Variants in TNKS observed in about 807,000 individuals in gnomAD.
TNKS encodes tankyrase, also known as poly [ADP-ribose] polymerase tankyrase-1.
TNKS carries 72 observed loss-of-function variants against 135.8 expected under a neutral mutation model. The observed-to-expected ratio is 0.53, with a 90% CI of 0.44 to 0.64. The LOEUF (loss-of-function observed/expected upper bound fraction) is 0.64. Among genes scored for constraint, TNKS ranks in the 30% least tolerant of loss-of-function variants. TNKS has a pLI of 0.00. For synonymous variants in TNKS, 849 were observed against 649.3 expected, an observed-to-expected ratio of 1.31 and a Z score of -4.68; for missense variants, 1,769 against 1,674.0, an observed-to-expected ratio of 1.06 and a Z score of -0.99.
rs577528741 is a variant in TNKS at position 9,728,325 on chromosome 8, A to T, written c.2001+1605A>T. On this transcript the variant is annotated intron_variant, in intron 13 of 26. Coordinates refer to ENST00000310430, the MANE Select transcript of TNKS (RefSeq NM_003747.3). ...GAAAAGGCTGCCTGCTGAATAAAGC[A>T]TTTGAAATTGTGAAAAGTAAGTAGG... is the stretch of plus-strand genomic sequence containing the variant. Among the ~76,000 whole-genome samples, 3 of 152,234 alleles carry T rather than the reference A, an allele frequency of 2.0e-5. No individual in the cohort carries two copies. In the South Asian group the frequency reaches 6.2e-4, roughly 31 times the overall value.
At chr8:9,700,277 A>G (rs1338281439) in intron 5 of TNKS, among the ~76,000 whole-genome samples, 1 of 152,196 alleles carries the variant, frequency 6.6e-6, no homozygotes, top group Non-Finnish European at 1.5e-5. Flanking sequence ...GAATTCATTT[A>G]TATGCATTTC....
chr8:9,698,991 T>A (rs1310813553), intron 5 of TNKS, among the ~76,000 whole-genome samples: 2 of 152,224 alleles, frequency 1.3e-5, no homozygotes, highest in African/African-American at 4.8e-5. Flanking sequence ...TGTATTTGTG[T>A]CTGTTCCATA....
At position 9,759,836 on chromosome 8, in the gene TNKS, G is replaced by T. The variant is rs568084357; in HGVS notation, c.3154-1680G>T. 4.2e-3 allele frequency among the ~76,000 whole-genome samples: 639 copies of T among 152,148 alleles called. 7 individuals are homozygous for T. The highest frequency in any genetic ancestry group is 0.015 in the African/African-American group (625 of 41,544). ...AAAAATACAAAAAAATTAGCCGGGC[G>T]TGGTGGCGGGCGCCTGTAGTCCCAG... is the stretch of plus-strand genomic sequence containing the variant. On this transcript the variant is annotated intron_variant, in intron 20 of 26. Transcript: ENST00000310430.
intron 26 of TNKS, among the ~76,000 whole-genome samples, chr8:9,773,461 A>G (rs1808055008): frequency 6.6e-6 from 1 of 152,170 alleles, no homozygotes. Flanking sequence ...CACCCACAAC[A>G]TAAGATGGTT....
At chr8:9,717,072 A>ATTTATATATATATATATATAT (rs376229840) in intron 11 of TNKS, among the ~76,000 whole-genome samples, 1 of 79,460 alleles carries the variant, frequency 1.3e-5, no homozygotes, top group Non-Finnish European at 2.5e-5. Context: ...GTTGTATTAT[A>ATTTATATATATATATATATAT]ATATATATAT....
At chr8:9,692,607 C>T (rs776598690) in intron 5 of TNKS, among the ~76,000 whole-genome samples, 2 of 152,084 alleles carry the variant, frequency 1.3e-5, no homozygotes, top group East Asian at 1.9e-4. Flanking sequence ...GAGAAAGACT[C>T]GTAATGGGAG....
At chr8:9,578,549 C>G (rs1274400945) in intron 1 of TNKS, among the ~76,000 whole-genome samples, 2 of 152,140 alleles carry the variant, frequency 1.3e-5, no homozygotes, top group African/African-American at 4.8e-5. Context: ...GAAATGTATG[C>G]TTTACTTTGG....
intron 17 of TNKS, among the ~76,000 whole-genome samples, chr8:9,742,414 A>G (rs985927824): frequency 6.6e-6 from 1 of 151,150 alleles, no homozygotes; most frequent in African/African-American, 2.4e-5. Context: ...CTCGCATGAC[A>G]TACAGTGACT....
intron 2 of TNKS, among the ~76,000 whole-genome samples, chr8:9,599,866 T>C (rs1160263195): frequency 6.6e-6 from 1 of 152,202 alleles, no homozygotes; most frequent in South Asian, 2.1e-4. Flanking sequence ...TGGAAGATTC[T>C]TTTATTATTG....
At chr8:9,572,725 C>T (rs1309226050) in intron 1 of TNKS, among the ~76,000 whole-genome samples, 2 of 152,160 alleles carry the variant, frequency 1.3e-5, no homozygotes, top group Admixed American at 1.3e-4. Context: ...CTGCCTCCTG[C>T]ACATCAGCCA....
intron 3 of TNKS, among the ~76,000 whole-genome samples, chr8:9,647,274 G>A (rs1800953872): frequency 1.3e-5 from 2 of 152,286 alleles, no homozygotes; most frequent in Admixed American, 6.5e-5. Context: ...TTTGGTATCT[G>A]TTTGGTCAAA....
chr8:9,762,617 A>G (rs201769786), intron 21 of TNKS, among the ~76,000 whole-genome samples: 1 of 152,290 alleles, frequency 6.6e-6, no homozygotes, highest in East Asian at 1.9e-4. Context: ...AACAGATAAA[A>G]TTGGGCTGGG....
chr8:9,696,120 T>C (rs890852789), intron 5 of TNKS, among the ~76,000 whole-genome samples: 26 of 151,210 alleles, frequency 1.7e-4, no homozygotes, highest in African/African-American at 6.1e-4. Flanking sequence ...AACTGGGGAG[T>C]TGTCAGTTCA....
At chr8:9,593,877 T>TTTA (rs199768208) in intron 2 of TNKS, among the ~76,000 whole-genome samples, 104 of 130,668 alleles carry the variant, frequency 8.0e-4, no homozygotes, top group Admixed American at 2.0e-3. Context: ...TATTTATTTA[T>TTTA]TTATTATTAT....
intron 1 of TNKS, among the ~76,000 whole-genome samples, chr8:9,567,893 A>T (rs1041876600): frequency 1.3e-5 from 2 of 152,192 alleles, no homozygotes; most frequent in African/African-American, 4.8e-5. Context: ...ACATTTAAAA[A>T]TGGTTATGAT....
chr8:9,734,818 A>G, intron 15 of TNKS, 47 bp from the exon 16 acceptor site: 1 of 1,517,954 alleles, frequency 6.6e-7, no homozygotes, highest in Non-Finnish European at 9.0e-7. Context: ...CTACCTACCT[A>G]CTTACTACAG....
chr8:9,711,226 T>G (rs1333109575), intron 11 of TNKS, among the ~76,000 whole-genome samples: 1 of 152,156 alleles, frequency 6.6e-6, no homozygotes, highest in African/African-American at 2.4e-5. Context: ...GAAATTCAGA[T>G]TTACCAATAT....
In TNKS at chr8:9,735,471, T is replaced by C. The variant is rs1196461698; in HGVS notation, c.2628T>C (p.Asn876=). ...AGGGTGGTTTAATTCCTCTTCATAA[T>C]GCGGCATCTTATGGGGTAAGCATAC... ...QDKGGLIPLH[N]AASYGHVDIA... The change falls in exon 17 of 27, where the codon AAT becomes AAC. Residue 876 remains asparagine (N), a synonymous_variant. Transcript: ENST00000310430. 6.2e-7 allele frequency: 1 copy of C among 1,613,790 alleles called. No homozygotes were observed. The highest frequency in any genetic ancestry group is 8.5e-7 in the Non-Finnish European group (1 of 1,179,736).
At chr8:9,741,768 C>T in intron 17 of TNKS, 1 of 505,330 alleles carries the variant, frequency 2.0e-6, no homozygotes, top group Non-Finnish European at 4.2e-6. Context: ...GAGTACTGGT[C>T]GACCTTGTCT....
Sources: allele counts gnomAD v4.1 joint callset (sites outside exome capture counted in the v4.1 genomes callset), GRCh38; gene constraint gnomAD v4.1.1; transcripts MANE v1.5; gene names NCBI Gene and HGNC (gene_info 2026-07-23, HGNC 2026-07-21).